ZDHHC11B: variants seen among roughly 807,000 people sequenced by gnomAD.
The protein encoded by ZDHHC11B is zDHHC palmitoyltransferase 11B (putative), also known as probable palmitoyltransferase ZDHHC11B.
In ZDHHC11B, 17 loss-of-function variants were observed where a neutral mutation model predicts 42.3. The ratio of observed to expected loss-of-function variants is 0.40; its 90% CI spans 0.27 to 0.60. ZDHHC11B has a LOEUF of 0.60. Ranked by LOEUF, ZDHHC11B falls within the 20% of genes least tolerant of loss-of-function variation. ZDHHC11B has a pLI of 0.41. For missense variants in ZDHHC11B, 262 were observed against 463.2 expected (o/e 0.57, Z 3.99); for synonymous variants, 123 against 193.5 (o/e 0.64, Z 3.02).
chr5:784,079 C>A (rs1737074723), intron 1 of ZDHHC11B, among the ~76,000 whole-genome samples: 3 of 151,558 alleles, frequency 2.0e-5, no homozygotes, highest in Admixed American at 2.0e-4. Flanking sequence ...GTAGCCAAGG[C>A]CCGGGGCAGC....
chr5:743,627 G>A (rs866249395), intron 9 of ZDHHC11B, among the ~76,000 whole-genome samples: 1 of 149,744 alleles, frequency 6.7e-6, no homozygotes, highest in East Asian at 2.0e-4. Context: ...TTTGCCCAAG[G>A]TTTGTTAAAT....
Position 749,680 on chromosome 5 carries a change from GACACTGGCACT to G in ZDHHC11B, c.629-1132_629-1122del, listed in dbSNP as rs1475194339. On this transcript the variant is annotated intron_variant, in intron 7 of 13. Coordinates refer to ENST00000508859, the MANE Select transcript of ZDHHC11B (RefSeq NM_001351303.2). ...GCCACAATCAATGAACTCACACAAAGACACTGGCACTGCCGTGTGGAAGCAGCATGTTCCAG... is the reference window on the plus strand; with the variant it reads ...GCCACAATCAATGAACTCACACAAAGGCCGTGTGGAAGCAGCATGTTCCAG... 2.5e-4 allele frequency among the ~76,000 whole-genome samples: 32 copies of G among 130,436 alleles called. 8 individuals are homozygous for G. Among genetic ancestry groups the G allele is most frequent in the Middle Eastern group, 3.9e-3 (1 of 256 alleles). The allele number at this position is 130,436 out of a possible 152,430, so 85.6% of individuals were successfully genotyped here.
intron 4 of ZDHHC11B, among the ~76,000 whole-genome samples, chr5:765,880 A>G (rs1247862361): frequency 3.9e-5 from 6 of 151,934 alleles, no homozygotes; most frequent in Admixed American, 3.9e-4. Flanking sequence ...AGTTGGTGAG[A>G]CCAAGAACCC....
At chr5:742,547 C>T (rs1330646220) in intron 9 of ZDHHC11B, among the ~76,000 whole-genome samples, 1 of 145,212 alleles carries the variant, frequency 6.9e-6, no homozygotes, top group Admixed American at 7.2e-5. Context: ...TATGTCGGCG[C>T]CATTTTCCCC....
intron 8 of ZDHHC11B, among the ~76,000 whole-genome samples, chr5:746,081 G>A (rs6875719): frequency 0.13 from 19,655 of 145,768 alleles, 955 homozygotes; most frequent in African/African-American, 0.24. Context: ...TGATACACCC[G>A]TTTATCTAAA....
rs1456391376 is a variant in ZDHHC11B at position 779,014 on chromosome 5, G to A, written c.-230+5654C>T. On this transcript the variant is annotated intron_variant, in intron 1 of 13. Transcript: ENST00000508859. ...AAGCAGGGAAGGGCCCTTGTCGGAC[G>A]CCAAGCCTGCAGGTGCCTTGATCTT... 8.4e-4 allele frequency among the ~76,000 whole-genome samples: 127 copies of A among 151,468 alleles called. 2 individuals carry two copies. Among genetic ancestry groups the A allele is most frequent in the Non-Finnish European group, 7.4e-4 (50 of 67,806 alleles).
intron 12 of ZDHHC11B, among the ~76,000 whole-genome samples, chr5:721,280 T>C (rs1240722317): frequency 2.1e-5 from 3 of 145,902 alleles, no homozygotes; most frequent in African/African-American, 7.5e-5. Context: ...TGGGCAGGAA[T>C]TGAGAAATAA....
chr5:751,446 GGGA>G (rs1745695710), intron 6 of ZDHHC11B, among the ~76,000 whole-genome samples, 189 bp from the exon 7 acceptor site: 4 of 25,342 alleles, frequency 1.6e-4, no homozygotes, highest in African/African-American at 5.0e-4. Flanking sequence ...GGCAGGGGCA[GGGA>G]CACGCAGGGC....
chr5:776,886 G>T (rs1276027096), intron 1 of ZDHHC11B, among the ~76,000 whole-genome samples: 1 of 151,858 alleles, frequency 6.6e-6, no homozygotes, highest in Admixed American at 6.6e-5. Flanking sequence ...ATCATCGCAC[G>T]GCCCTCCTGC....
chr5:745,567 C>A lies in ZDHHC11B; in HGVS notation c.785-269G>T, dbSNP rs1393538915. Reference sequence around the variant, plus strand: ...CTCAGGCCCCCCCGCCTGCCAAGGCCTCATTGAGCTGCATTGTTAGTGGTG... The same window carrying A: ...CTCAGGCCCCCCCGCCTGCCAAGGCATCATTGAGCTGCATTGTTAGTGGTG... On this transcript the variant is annotated intron_variant, in intron 8 of 13. Coordinates refer to ENST00000508859, the MANE Select transcript of ZDHHC11B (RefSeq NM_001351303.2). Among the ~76,000 whole-genome samples, 3 of 149,944 alleles carry A rather than the reference C, an allele frequency of 2.0e-5. 1 individual carries two copies. The highest frequency in any genetic ancestry group is 4.4e-5 in the Non-Finnish European group (3 of 67,620).
At chr5:741,714 C>A in intron 9 of ZDHHC11B, 86 bp from the exon 10 acceptor site, 2 of 1,532,848 alleles carry the variant, frequency 1.3e-6, no homozygotes, top group South Asian at 2.5e-5. Context: ...GTCTATTATT[C>A]CTGGGTTTTG....
At chr5:763,587 A>G (rs1734905579) in intron 4 of ZDHHC11B, among the ~76,000 whole-genome samples, 1 of 151,728 alleles carries the variant, frequency 6.6e-6, no homozygotes, top group Admixed American at 6.6e-5. Context: ...TGACCAGTCA[A>G]AGGCCTGGGA....
intron 9 of ZDHHC11B, among the ~76,000 whole-genome samples, chr5:744,382 G>T (rs562879148): frequency 4.7e-3 from 698 of 148,250 alleles, no homozygotes; most frequent in African/African-American, 0.017. Context: ...AGGTTGTATT[G>T]TATTTTTTCT....
In ZDHHC11B at chr5:751,191, A is replaced by G. The variant is rs779109504; in HGVS notation, c.570T>C (p.Tyr190=). 4 of 1,308,956 alleles carry G rather than the reference A, an allele frequency of 3.1e-6. 1 individual carries two copies. The highest frequency in any genetic ancestry group is 4.1e-6 in the Non-Finnish European group (4 of 979,166). The allele number at this position is 1,308,956 out of a possible 1,614,324, so 81.1% of individuals were successfully genotyped here. ...GGTTCACGAGGTACTGGACGAGGAC[A>G]TACAGCAGGATGGCGATCAGGCAGA... ...GMLCLIAILL[Y]VLVQYLVNPR... Residue 190 remains tyrosine, a synonymous_variant, in exon 7 of 14, where the codon TAT becomes TAC. Transcript: ENST00000508859.
chr5:766,767 G>T lies in ZDHHC11B; in HGVS notation c.153C>A (p.Gly51=). 1 of 1,612,510 alleles carries T rather than the reference G, an allele frequency of 6.2e-7. No individual in the cohort carries two copies. Among genetic ancestry groups the T allele is most frequent in the South Asian group, 1.1e-5 (1 of 90,900 alleles). The change falls in exon 4 of 14, where the codon GGC becomes GGA. Residue 51 remains glycine, a synonymous_variant. Transcript: ENST00000508859. The part of the protein sequence containing the change: ...FRVVTWAVFV[G]LSLATFRIFI... Reference sequence around the variant, plus strand: ...AGATCCTGAAGGTGGCCAAGGAAAGGCCAACGAAGACAGCCCAAGTCACCA... The same window carrying T: ...AGATCCTGAAGGTGGCCAAGGAAAGTCCAACGAAGACAGCCCAAGTCACCA...
At chr5:775,627 A>G (rs1431147273) in intron 1 of ZDHHC11B, among the ~76,000 whole-genome samples, 7 of 151,534 alleles carry the variant, frequency 4.6e-5, no homozygotes, top group East Asian at 1.9e-4. Flanking sequence ...CTCCCTGTTC[A>G]GGGATGACAA....
rs1390004510 is a variant in ZDHHC11B at position 751,488 on chromosome 5, G to A, written c.504-231C>T. Among the ~76,000 whole-genome samples the A allele has an allele frequency of 2.5e-3, 73 of 28,810 alleles. 1 individual carries two copies. The highest frequency in any genetic ancestry group is 4.5e-3 in the African/African-American group (50 of 11,036). The allele number at this position is 28,810 out of a possible 152,430, so 18.9% of individuals were successfully genotyped here. A position where few individuals can be genotyped will look rare whatever the true frequency, so the allele number is the denominator to read the frequency against. ...TGAGGCAGGGGCGGGGGCATGCAGG[G>A]CAGGTGGGGGGTGCAGAGGCAGGGG... is the stretch of plus-strand genomic sequence containing the variant. On this transcript the variant is annotated intron_variant, in intron 6 of 13. Transcript: ENST00000508859.
At chr5:776,502 G>A (rs1466863666) in intron 1 of ZDHHC11B, among the ~76,000 whole-genome samples, 11 of 151,976 alleles carry the variant, frequency 7.2e-5, no homozygotes, top group Admixed American at 2.0e-4. Context: ...AGTCTCCACT[G>A]CAAGGCGCCT....
intron 12 of ZDHHC11B, among the ~76,000 whole-genome samples, chr5:717,705 C>G (rs1487571107): frequency 1.3e-5 from 2 of 151,696 alleles, no homozygotes; most frequent in African/African-American, 4.9e-5. Flanking sequence ...ATGATGACTC[C>G]TAGGAGGAAA....
Sources: allele counts gnomAD v4.1 joint callset (sites outside exome capture counted in the v4.1 genomes callset), GRCh38; gene constraint gnomAD v4.1.1; transcripts MANE v1.5; gene names NCBI Gene and HGNC (gene_info 2026-07-23, HGNC 2026-07-21).